Variants in CNGB1 observed in about 807,000 individuals in gnomAD.
CNGB1 encodes cyclic nucleotide-gated channel beta-1.
Under a neutral mutation model 151.7 loss-of-function variants are expected in CNGB1, and 126 were observed. The ratio of observed to expected loss-of-function variants is 0.83; its 90% confidence interval spans 0.72 to 0.96. The LOEUF is 0.96. Among genes scored for constraint, CNGB1 ranks in the 40% least tolerant of loss-of-function variants. CNGB1 has a pLI of 0.00. For synonymous variants in CNGB1, 623 were observed against 635.1 expected, an observed-to-expected ratio of 0.98 and a Z score of 0.29; for missense variants, 1,698 against 1,627.0, an observed-to-expected ratio of 1.04 and a Z score of -0.75.
At chr16:57,911,172 A>G (rs1180673837) in intron 25 of CNGB1, among the ~76,000 whole-genome samples, 2 of 152,182 alleles carry the variant, frequency 1.3e-5, no homozygotes, top group African/African-American at 4.8e-5. Context: ...GCACACCCTA[A>G]TAGAGTTTGG....
chr16:57,902,587 A>AAAACTATT (rs1184735395), intron 27 of CNGB1, among the ~76,000 whole-genome samples: 2 of 151,354 alleles, frequency 1.3e-5, no homozygotes, highest in African/African-American at 2.4e-5. Context: ...GATTACAGGC[A>AAAACTATT]TGAGCCACCG....
intron 31 of CNGB1, among the ~76,000 whole-genome samples, chr16:57,897,172 C>T (rs548805353): frequency 5.3e-5 from 8 of 151,642 alleles, no homozygotes; most frequent in African/African-American, 7.3e-5. Flanking sequence ...AATGGTGGTA[C>T]GTGCCTATAG....
intron 31 of CNGB1, 59 bp from the exon 32 acceptor site, chr16:57,888,133 C>G: frequency 6.5e-7 from 1 of 1,540,266 alleles, no homozygotes; most frequent in South Asian, 1.1e-5. Context: ...AAGAAAGACT[C>G]GCTTCTGCAG....
intron 27 of CNGB1, among the ~76,000 whole-genome samples, chr16:57,901,981 G>C (rs1250621149): frequency 6.6e-6 from 1 of 152,144 alleles, no homozygotes; most frequent in Admixed American, 6.5e-5. Flanking sequence ...CACTTCCCTG[G>C]AAGGACAACA....
In CNGB1 at chr16:57,883,958, G is replaced by A; in HGVS notation, c.*206C>T. ...GGGACTCGAACACTTGATGCAACTT[G>A]TCGAGCTCAGGCCCAGCCCCGCGAG... is the stretch of plus-strand genomic sequence containing the variant. On this transcript the variant is annotated 3_prime_UTR_variant, in exon 33 of 33. Coordinates refer to ENST00000251102, the MANE Select transcript of CNGB1 (RefSeq NM_001297.5). 1.6e-6 allele frequency: 1 copy of A among 639,762 alleles called. No individual in the cohort carries two copies. The highest frequency in any genetic ancestry group is 2.8e-6 in the Non-Finnish European group (1 of 362,750). 39.6% of individuals were successfully genotyped at this position (639,762 alleles called of 1,614,324 possible).
chr16:57,902,165 A>C (rs1237676915), intron 27 of CNGB1, among the ~76,000 whole-genome samples: 3 of 151,962 alleles, frequency 2.0e-5, no homozygotes, highest in Non-Finnish European at 1.5e-5. Context: ...CCACCTCCCT[A>C]GTACAAGTGA....
At chr16:57,894,417 G>A (rs4784017) in intron 31 of CNGB1, among the ~76,000 whole-genome samples, 37,617 of 152,068 alleles carry the variant, frequency 0.25, 6,134 homozygotes, top group African/African-American at 0.47. Context: ...CCTGGCCAAC[G>A]TGGCAAAGCC....
rs558463820 is a variant in CNGB1 at position 57,950,556 on chromosome 16, G to A, written c.875-16C>T. The A allele has an allele frequency of 3.1e-6, 5 of 1,613,928 alleles. No individual in the cohort carries two copies. Among genetic ancestry groups the A allele is most frequent in the South Asian group, 2.2e-5 (2 of 91,060 alleles). ...AGGATGCTGACTGCAGGGAACACAGGAAGAGCCATTTATGGGATGTGCGGG... is the reference window on the plus strand; with the variant it reads ...AGGATGCTGACTGCAGGGAACACAGAAAGAGCCATTTATGGGATGTGCGGG... On this transcript the variant is annotated splice_polypyrimidine_tract_variant and intron_variant, in intron 12 of 32. Transcript: ENST00000251102.
intron 12 of CNGB1, among the ~76,000 whole-genome samples, chr16:57,954,013 C>T (rs961331523): frequency 3.9e-5 from 6 of 152,168 alleles, no homozygotes; most frequent in African/African-American, 1.2e-4. Context: ...TGATTGCTTT[C>T]CCTGTCTCCA....
chr16:57,927,384 A>G (rs1961218608), intron 17 of CNGB1, among the ~76,000 whole-genome samples: 1 of 152,212 alleles, frequency 6.6e-6, no homozygotes, highest in African/African-American at 2.4e-5. Flanking sequence ...CGGCCTCTAC[A>G]GAGAGGCAGG....
rs113061816 is a variant in CNGB1, at chr16:57,931,924, T to C, written c.1373-46A>G. The C allele has an allele frequency of 1.1e-4, 184 of 1,607,666 alleles. 2 individuals are homozygous for C. In the African/African-American group the frequency reaches 1.2e-3, roughly 11 times the overall value. ...GAGAAAGTCAGAGAGAGACAAAAGC[T>C]GGGTCCCAGGAGTCCAGCTGTGTTC... is the stretch of plus-strand genomic sequence containing the variant. On this transcript the variant is annotated intron_variant, in intron 16 of 32. Transcript: ENST00000251102.
intron 16 of CNGB1, among the ~76,000 whole-genome samples, chr16:57,934,789 T>C (rs982757722): frequency 1.3e-5 from 2 of 152,084 alleles, no homozygotes; most frequent in Non-Finnish European, 2.9e-5. Context: ...AAACTCCATC[T>C]CTACTAAAAA....
chr16:57,953,525 C>T (rs1567393843), intron 12 of CNGB1, among the ~76,000 whole-genome samples: 1 of 151,300 alleles, frequency 6.6e-6, no homozygotes, highest in Non-Finnish European at 1.5e-5. Flanking sequence ...AAGTCAACAG[C>T]CTCATGTAGG....
At position 57,949,391 on chromosome 16, in the gene CNGB1, C is replaced by T. The variant is rs200011515; in HGVS notation, c.1083G>A (p.Glu361=). The change falls in exon 14 of 33, where the codon GAG becomes GAA. Residue 361 remains glutamate (E), a synonymous_variant. Coordinates refer to ENST00000251102, the MANE Select transcript of CNGB1 (RefSeq NM_001297.5). ...CCTCTTCCTCCTCCTCCTCCTCTTCCTCTTCCTCCTCCTCATCTTCTTTCT... is the reference window on the plus strand; with the variant it reads ...CCTCTTCCTCCTCCTCCTCCTCTTCTTCTTCCTCCTCCTCATCTTCTTTCT... ...EEEKEDEEEE[E]EEEEEEEEEE... 2.2e-5 allele frequency: 36 copies of T among 1,613,200 alleles called. No homozygotes were observed. In the East Asian group the frequency reaches 7.8e-4, roughly 35 times the overall value.
At chr16:57,931,604 C>T (rs1438085199) in intron 17 of CNGB1, 112 bp downstream of exon 17, 16 of 1,239,752 alleles carry the variant, frequency 1.3e-5, no homozygotes, top group Middle Eastern at 1.9e-4. Flanking sequence ...GACACCAACT[C>T]GCTGTGTGAT....
chr16:57,969,906 C>T (rs1021696935), intron 1 of CNGB1, among the ~76,000 whole-genome samples: 2 of 152,180 alleles, frequency 1.3e-5, no homozygotes, highest in Admixed American at 6.5e-5. Flanking sequence ...ATGGGCAACC[C>T]GGGCTTTGGC....
chr16:57,899,385 A>C (rs1192519515), intron 29 of CNGB1, among the ~76,000 whole-genome samples: 2 of 152,212 alleles, frequency 1.3e-5, no homozygotes, highest in African/African-American at 4.8e-5. Context: ...CATGCCTGTA[A>C]TCCCAGTACT....
chr16:57,956,415 G>GC (rs1467216484), intron 12 of CNGB1, among the ~76,000 whole-genome samples: 52 of 152,158 alleles, frequency 3.4e-4, no homozygotes, highest in African/African-American at 1.1e-3. Flanking sequence ...CAACCCTAAC[G>GC]CCCCCCACGC....
At chr16:57,932,563 C>T (rs904031624) in intron 16 of CNGB1, among the ~76,000 whole-genome samples, 42 of 151,728 alleles carry the variant, frequency 2.8e-4, no homozygotes, top group African/African-American at 3.4e-4. Context: ...CCACCACGCC[C>T]GGCTAGTTTT....
Sources: allele counts gnomAD v4.1 joint callset (sites outside exome capture counted in the v4.1 genomes callset), GRCh38; gene constraint gnomAD v4.1.1; transcripts MANE v1.5; gene names NCBI Gene and HGNC (gene_info 2026-07-23, HGNC 2026-07-21).